Variants in PRKAR2B observed in about 807,000 individuals in gnomAD.
The protein encoded by PRKAR2B is protein kinase cAMP-dependent type II regulatory subunit beta.
A neutral mutation model predicts 49.9 loss-of-function variants in PRKAR2B; 14 were observed. The ratio of observed to expected loss-of-function variants is 0.28; its 90% CI spans 0.19 to 0.44. The LOEUF is 0.44. PRKAR2B is among the 20% of genes least tolerant of loss of function. The pLI, the probability that PRKAR2B is intolerant of heterozygous loss-of-function variation, is 1.00. For missense variants in PRKAR2B, 393 were observed against 537.9 expected (o/e 0.73, Z 2.67); for synonymous variants, 196 against 197.7 (o/e 0.99, Z 0.07).
intron 2 of PRKAR2B, among the ~76,000 whole-genome samples, chr7:107,099,682 A>C (rs1794920096): frequency 6.9e-6 from 1 of 144,022 alleles, no homozygotes; most frequent in Non-Finnish European, 1.5e-5. Context: ...TCTGTTGCCC[A>C]GGCTGGAGTG....
At chr7:107,073,588 AC>A (rs1794328896) in intron 2 of PRKAR2B, among the ~76,000 whole-genome samples, 1 of 152,166 alleles carries the variant, frequency 6.6e-6, no homozygotes, top group Admixed American at 6.5e-5. Context: ...ATGATGAAAA[AC>A]TGTCAGATGT....
chr7:107,062,857 G>A (rs1237653547), intron 1 of PRKAR2B, among the ~76,000 whole-genome samples: 1 of 151,530 alleles, frequency 6.6e-6, no homozygotes, highest in Non-Finnish European at 1.5e-5. Context: ...TAATTGTGGG[G>A]CATAAATGGT....
chr7:107,080,782 T>A (rs1794499994), intron 2 of PRKAR2B, among the ~76,000 whole-genome samples: 1 of 152,234 alleles, frequency 6.6e-6, no homozygotes, highest in Non-Finnish European at 1.5e-5. Flanking sequence ...AGTAAGAGGC[T>A]GGATTTGGAG....
At chr7:107,107,800 G>A (rs1427506561) in intron 2 of PRKAR2B, among the ~76,000 whole-genome samples, 2 of 152,058 alleles carry the variant, frequency 1.3e-5, no homozygotes, top group Non-Finnish European at 2.9e-5. Context: ...TGGGACTATA[G>A]GTGCGCGCCA....
At chr7:107,055,515 T>C (rs2116753133) in intron 1 of PRKAR2B, among the ~76,000 whole-genome samples, 1 of 152,334 alleles carries the variant, frequency 6.6e-6, no homozygotes, top group East Asian at 1.9e-4. Context: ...CTAACTGGTG[T>C]GAGATGGTAT....
intron 2 of PRKAR2B, among the ~76,000 whole-genome samples, chr7:107,092,378 T>A (rs1209575454): frequency 6.6e-6 from 1 of 151,938 alleles, no homozygotes; most frequent in Admixed American, 6.6e-5. Flanking sequence ...TTTATAGTCC[T>A]ACCTATTCCT....
chr7:107,059,837 T>C (rs1793991993), intron 1 of PRKAR2B, among the ~76,000 whole-genome samples: 1 of 152,098 alleles, frequency 6.6e-6, no homozygotes, highest in Non-Finnish European at 1.5e-5. Flanking sequence ...ATGAAAATTA[T>C]AATAATACTT....
At chr7:107,079,068 G>C (rs554105281) in intron 2 of PRKAR2B, among the ~76,000 whole-genome samples, 1 of 152,140 alleles carries the variant, frequency 6.6e-6, no homozygotes. Context: ...GAAAGGGGTC[G>C]GGGAGTTAGA....
chr7:107,137,001 A>G (rs972811037), intron 4 of PRKAR2B, among the ~76,000 whole-genome samples: 2 of 152,210 alleles, frequency 1.3e-5, no homozygotes, highest in African/African-American at 4.8e-5. Flanking sequence ...CATGGAAGAC[A>G]TGGAAGAACC....
chr7:107,139,887 G>T (rs140026769), intron 4 of PRKAR2B, among the ~76,000 whole-genome samples: 1 of 152,060 alleles, frequency 6.6e-6, no homozygotes, highest in Non-Finnish European at 1.5e-5. Context: ...CAACTCTTTA[G>T]TTTATGTATA....
intron 2 of PRKAR2B, among the ~76,000 whole-genome samples, chr7:107,093,051 T>C (rs948110244): frequency 1.3e-5 from 2 of 152,180 alleles, no homozygotes; most frequent in Non-Finnish European, 2.9e-5. Context: ...TGGGTCAGAA[T>C]TTCCTTCCTT....
At chr7:107,127,775 T>A (rs1295670761) in intron 3 of PRKAR2B, among the ~76,000 whole-genome samples, 2 of 152,230 alleles carry the variant, frequency 1.3e-5, no homozygotes, top group Non-Finnish European at 2.9e-5. Context: ...AAGAAAGAAT[T>A]ACATCCTGAA....
intron 2 of PRKAR2B, among the ~76,000 whole-genome samples, chr7:107,091,250 T>G (rs1295597833): frequency 6.6e-6 from 1 of 152,216 alleles, no homozygotes; most frequent in African/African-American, 2.4e-5. Flanking sequence ...TGTGGTTGGT[T>G]GTGCTGTCAC....
At position 107,123,858 on chromosome 7, in the gene PRKAR2B, A is replaced by G. The variant is rs181103052; in HGVS notation, c.396+1854A>G. Among the ~76,000 whole-genome samples the G allele has an allele frequency of 4.6e-5, 7 of 152,350 alleles. No individual in the cohort carries two copies. In the East Asian group the frequency reaches 1.3e-3, roughly 29 times the overall value. On this transcript the variant is annotated intron_variant, in intron 3 of 10. Coordinates refer to ENST00000265717, the MANE Select transcript of PRKAR2B (RefSeq NM_002736.3). ...ATTATATGTTTGATTATAGCAAAGT[A>G]CTTTTAGGTTATCAATTAGGTTGAG...
intron 2 of PRKAR2B, among the ~76,000 whole-genome samples, chr7:107,106,077 C>T (rs955100627): frequency 6.6e-6 from 1 of 152,158 alleles, no homozygotes; most frequent in African/African-American, 2.4e-5. Flanking sequence ...CTCACCCTTT[C>T]GGGGAATCTG....
rs951827696 is a variant in PRKAR2B, at chr7:107,132,899, CTT to C, written c.480+4606_480+4607del. ...GCACAGCATTTATAATTATTAATCT[CTT>C]TGAAGATATTCTTTTCATGAATATT... On this transcript the variant is annotated intron_variant, in intron 4 of 10. Transcript: ENST00000265717. 1.6e-3 allele frequency among the ~76,000 whole-genome samples: 244 copies of C among 152,224 alleles called. 2 individuals carry two copies. Among genetic ancestry groups the C allele is most frequent in the African/African-American group, 5.6e-3 (234 of 41,530 alleles).
At chr7:107,114,067 G>T (rs1419351267) in intron 2 of PRKAR2B, among the ~76,000 whole-genome samples, 1 of 152,158 alleles carries the variant, frequency 6.6e-6, no homozygotes, top group African/African-American at 2.4e-5. Flanking sequence ...GTTATTAAAA[G>T]AAATGGTTGA....
intron 2 of PRKAR2B, among the ~76,000 whole-genome samples, chr7:107,117,520 G>A (rs1232622725): frequency 1.3e-5 from 2 of 152,120 alleles, no homozygotes; most frequent in Non-Finnish European, 2.9e-5. Flanking sequence ...TGAGCGTCTA[G>A]AGTGTGCAAG....
Position 107,146,316 on chromosome 7 carries a change from T to A in PRKAR2B, c.596T>A (p.Phe199Tyr). The change falls in exon 6 of 11, where the codon TTT (phenylalanine) becomes TAT (tyrosine). Residue 199 changes from phenylalanine (F) to tyrosine (Y), a missense_variant. Coordinates refer to ENST00000265717, the MANE Select transcript of PRKAR2B (RefSeq NM_002736.3). Reference sequence around the variant, plus strand: ...CTACATATGTCCAACAGAGGCACATTTGATATTTATGTGAAATGTGATGGT... The same window carrying A: ...CTACATATGTCCAACAGAGGCACATATGATATTTATGTGAAATGTGATGGT... Reference protein sequence around the residue: ...DNFYVIDRGTFDIYVKCDGVG... With the variant: ...DNFYVIDRGTYDIYVKCDGVG... The A allele has an allele frequency of 6.2e-7, 1 of 1,613,862 alleles. No homozygotes were observed. The highest frequency in any genetic ancestry group is 8.5e-7 in the Non-Finnish European group (1 of 1,179,872).
Sources: gnomAD v4.1 joint callset for allele counts (sites outside exome capture counted in the v4.1 genomes callset) on GRCh38, gnomAD v4.1.1 for gene constraint, MANE v1.5 for transcripts, NCBI Gene and HGNC (gene_info 2026-07-23, HGNC 2026-07-21) for gene names.